The following UBR1 variants were observed in gnomAD, a reference collection of about 807,000 sequenced individuals.
UBR1 encodes ubiquitin protein ligase E3 component n-recognin 1, also known as E3 ubiquitin-protein ligase UBR1.
Under a neutral mutation model 242.1 loss-of-function variants are expected in UBR1, and 102 were observed. The observed-to-expected ratio is 0.42, with a 90% CI of 0.36 to 0.50. The LOEUF (loss-of-function observed/expected upper bound fraction) is 0.50, where lower values mean the gene tolerates loss of function less well. Ranked by LOEUF, UBR1 falls within the 20% of genes least tolerant of loss-of-function variation. UBR1 has a pLI of 0.01. For synonymous variants in UBR1, 675 were observed against 684.8 expected (o/e 0.99, Z 0.22); for missense variants, 1,772 against 2,101.8 (o/e 0.84, Z 3.07).
At chr15:43,081,758 T>A (rs1238623240) in intron 3 of UBR1, among the ~76,000 whole-genome samples, 1 of 152,176 alleles carries the variant, frequency 6.6e-6, no homozygotes, top group Non-Finnish European at 1.5e-5. Context: ...TTGCTCAGTC[T>A]ATCTCTTGCC....
intron 29 of UBR1, among the ~76,000 whole-genome samples, chr15:43,009,321 C>T (rs2032881034): frequency 6.6e-6 from 1 of 152,240 alleles, no homozygotes; most frequent in South Asian, 2.1e-4. Context: ...TGCAGGCTTG[C>T]ACAGAGCTGG....
chr15:42,950,540 T>A lies in UBR1; in HGVS notation c.5007-177A>T, dbSNP rs2031817693. ...TTTTGTCTAAATAAAAGAGAACACT[T>A]ATTGCTATTTCTGTTGAAGCTATAG... On this transcript the variant is annotated intron_variant, in intron 45 of 46. Transcript: ENST00000290650. The A allele has an allele frequency of 5.0e-5, 31 of 618,532 alleles. No homozygotes were observed. In the South Asian group the frequency reaches 5.9e-4, roughly 12 times the overall value. 38.3% of individuals were successfully genotyped at this position (618,532 alleles called of 1,614,324 possible).
At chr15:43,086,271 A>G (rs1366666009) in intron 1 of UBR1, 31 bp from the exon 2 acceptor site, 21 of 1,612,106 alleles carry the variant, frequency 1.3e-5, no homozygotes, top group Non-Finnish European at 1.7e-5. Context: ...AATTAGACTG[A>G]CTTACAAGTT....
chr15:42,988,773 T>C (rs1445865333), intron 35 of UBR1, 46 bp downstream of exon 35: 26 of 1,612,458 alleles, frequency 1.6e-5, no homozygotes, highest in Non-Finnish European at 2.2e-5. Flanking sequence ...ATGATCAAAG[T>C]TAATTCTCAC....
intron 4 of UBR1, among the ~76,000 whole-genome samples, chr15:43,072,461 G>A (rs2033834671): frequency 6.6e-6 from 1 of 152,142 alleles, no homozygotes; most frequent in Non-Finnish European, 1.5e-5. Flanking sequence ...ACAAAATCAC[G>A]TCCTCTGCAA....
intron 30 of UBR1, among the ~76,000 whole-genome samples, chr15:43,004,643 G>T (rs2032777878): frequency 6.6e-6 from 1 of 152,202 alleles, no homozygotes; most frequent in Non-Finnish European, 1.5e-5. Context: ...AGCCTCCCGA[G>T]GTGCCGGGAT....
intron 31 of UBR1, 125 bp downstream of exon 31, chr15:43,003,712 A>T: frequency 2.1e-6 from 2 of 931,062 alleles, no homozygotes; most frequent in South Asian, 2.7e-5. Context: ...TAGTAATTAA[A>T]ACTGTTTCAA....
intron 25 of UBR1, among the ~76,000 whole-genome samples, chr15:43,024,597 C>T (rs1028022366): frequency 1.3e-5 from 2 of 152,082 alleles, no homozygotes; most frequent in African/African-American, 2.4e-5. Context: ...AGCATAAGTA[C>T]ACCTGTTTTT....
At chr15:42,994,034 T>C (rs996783620) in intron 33 of UBR1, among the ~76,000 whole-genome samples, 1 of 152,172 alleles carries the variant, frequency 6.6e-6, no homozygotes, top group Non-Finnish European at 1.5e-5. Context: ...AATTGCTAAA[T>C]AGTCACTGAT....
chr15:43,016,980 T>C (rs2033033986), intron 28 of UBR1, 115 bp downstream of exon 28: 11 of 743,040 alleles, frequency 1.5e-5, no homozygotes, highest in Middle Eastern at 4.9e-4. Flanking sequence ...AGATCTCATA[T>C]ACTTCACAAT....
intron 46 of UBR1, among the ~76,000 whole-genome samples, chr15:42,946,945 C>A (rs2031746282): frequency 6.6e-6 from 1 of 152,020 alleles, no homozygotes; most frequent in Non-Finnish European, 1.5e-5. Context: ...GTCAGGAGTT[C>A]GAGACCAGTC....
At chr15:43,032,054 A>C (rs974364436) in intron 20 of UBR1, among the ~76,000 whole-genome samples, 1 of 152,044 alleles carries the variant, frequency 6.6e-6, no homozygotes, top group African/African-American at 2.4e-5. Flanking sequence ...AACAAAACAA[A>C]ACAGAACAAG....
At chr15:42,975,842 T>C (rs4924702) in intron 39 of UBR1, among the ~76,000 whole-genome samples, 85,282 of 152,008 alleles carry the variant, frequency 0.56, 28,233 homozygotes, top group Non-Finnish European at 0.72. Flanking sequence ...GCCTCTCAAG[T>C]AGCTGGGACT....
At chr15:43,006,091 TAAA>T (rs1257692507) in intron 30 of UBR1, among the ~76,000 whole-genome samples, 1 of 71,640 alleles carries the variant, frequency 1.4e-5, no homozygotes, top group Admixed American at 1.5e-4. Context: ...CAATAAATAC[TAAA>T]AAAAAAAAAA....
At chr15:43,031,190 G>A (rs1372958598) in intron 20 of UBR1, among the ~76,000 whole-genome samples, 2 of 151,912 alleles carry the variant, frequency 1.3e-5, no homozygotes, top group East Asian at 3.9e-4. Flanking sequence ...AAACAAAAAT[G>A]TTGACTCCTG....
At chr15:43,087,229 C>T (rs568684126) in intron 1 of UBR1, among the ~76,000 whole-genome samples, 1 of 152,102 alleles carries the variant, frequency 6.6e-6, no homozygotes, top group East Asian at 1.9e-4. Context: ...CACAGTGAAA[C>T]CCCGCCTCTA....
rs2034032540 is a variant in UBR1, at chr15:43,086,102, G to C, written c.220C>G (p.Leu74Val). The change falls in exon 2 of 47, where the codon CTG becomes GTG. Residue 74 changes from leucine (L) to valine (V), a missense_variant. Around this residue, in one of 3 missense-constraint regions of UBR1, gnomAD observed 734 missense variants for 893.3 expected, o/e 0.82. Transcript: ENST00000290650. ...TCTTCTCCAAATAAGTACCATTCCA[G>C]TGGAGTGAATATTGACATTTGTACA... ...ESVQMSIFTP[L>V]EWYLFGEDPD... 1.2e-6 allele frequency: 2 copies of C among 1,613,880 alleles called. No homozygotes were observed. The highest frequency in any genetic ancestry group is 1.3e-5 in the African/African-American group (1 of 74,888).
At chr15:43,067,262 T>C (rs1424553876) in intron 6 of UBR1, among the ~76,000 whole-genome samples, 1 of 152,206 alleles carries the variant, frequency 6.6e-6, no homozygotes, top group African/African-American at 2.4e-5. Flanking sequence ...CATTAATAAT[T>C]TGCGATCACA....
At position 42,960,760 on chromosome 15, in the gene UBR1, G is replaced by A. The variant is rs555041277; in HGVS notation, c.4701-59C>T. The A allele has an allele frequency of 2.0e-6, 3 of 1,537,722 alleles. No individual in the cohort carries two copies. In the African/African-American group the frequency reaches 4.1e-5, roughly 21 times the overall value. ...TTATCACAGCTTCAATGCATGATTT[G>A]TCAACAAGCCATTCTCTTTTTTTTT... On this transcript the variant is annotated intron_variant, in intron 42 of 46. Coordinates refer to ENST00000290650, the MANE Select transcript of UBR1 (RefSeq NM_174916.3).
Sources: allele counts gnomAD v4.1 joint callset (sites outside exome capture counted in the v4.1 genomes callset), GRCh38; gene constraint gnomAD v4.1.1; regional missense constraint gnomAD v4.1.1; transcripts MANE v1.5; gene names NCBI Gene and HGNC (gene_info 2026-07-23, HGNC 2026-07-21).